The following TRMT6 variants were observed in gnomAD, a reference collection of about 807,000 sequenced individuals.
TRMT6 encodes the protein tRNA methyltransferase 6 non-catalytic subunit, also known as tRNA (adenine(58)-N(1))-methyltransferase non-catalytic subunit TRM6.
Under a neutral mutation model 59.0 loss-of-function variants are expected in TRMT6, and 34 were observed. That is an observed-to-expected ratio of 0.58 (90% CI 0.44 to 0.77). TRMT6 has a LOEUF of 0.77. Among genes scored for constraint, TRMT6 ranks in the 30% least tolerant of loss-of-function variants. The pLI is 0.00. For synonymous variants in TRMT6, 217 were observed against 210.5 expected (o/e 1.03, Z -0.27); for missense variants, 575 against 604.5 (o/e 0.95, Z 0.51).
At chr20:5,947,866 C>T (rs1293414689) in intron 1 of TRMT6, among the ~76,000 whole-genome samples, 2 of 151,874 alleles carry the variant, frequency 1.3e-5, no homozygotes, top group South Asian at 2.1e-4. Flanking sequence ...GCCTGGCTGA[C>T]GGGGAAAAAC....
chr20:5,942,226 C>T, intron 7 of TRMT6, 190 bp from the exon 8 acceptor site: 1 of 710,758 alleles, frequency 1.4e-6, no homozygotes, highest in South Asian at 1.8e-5. Flanking sequence ...ATTAAGCTAT[C>T]TATGCAACGC....
In TRMT6 at chr20:5,944,865, T is replaced by G; in HGVS notation, c.306A>C (p.Lys102Asn). 6.2e-7 allele frequency: 1 copy of G among 1,614,164 alleles called. No individual in the cohort carries two copies. Among genetic ancestry groups the G allele is most frequent in the South Asian group, 1.1e-5 (1 of 91,082 alleles). Residue 102 changes from lysine to asparagine, a missense_variant, in exon 3 of 11, where the codon AAA (lysine) becomes AAC (asparagine). Coordinates refer to ENST00000203001, the MANE Select transcript of TRMT6 (RefSeq NM_015939.5). The stretch of plus-strand genomic sequence containing the variant: ...TGTCATCTTGAGTAAGTTTCTGAGA[T>G]TTCCCATCATCAACTATATTTCGAT... The part of the protein sequence containing the change: ...TDNRNIVDDG[K>N]SQKLTQDDIK...
chr20:5,944,807 C>T lies in TRMT6; in HGVS notation c.364G>A (p.Glu122Lys). 1 of 1,608,886 alleles carries T rather than the reference C, an allele frequency of 6.2e-7. No individual in the cohort carries two copies. The highest frequency in any genetic ancestry group is 1.3e-5 in the African/African-American group (1 of 74,818). ...KALKDKGIKG[E>K]EIVQQLIENS... is the part of the protein sequence containing the mutation. ...ACTAAAAATCCTTTGAATATTACCT[C>T]TCCTTTAATGCCCTTGTCCTTCAAA... The change falls in exon 3 of 11, where the codon GAG becomes AAG. Residue 122 changes from glutamate to lysine, a missense_variant and splice_region_variant. Coordinates refer to ENST00000203001, the MANE Select transcript of TRMT6 (RefSeq NM_015939.5).
chr20:5,941,105 C>T lies in TRMT6; in HGVS notation c.1250G>A (p.Arg417Lys). Reference protein sequence around the residue: ...LLECYTKLRERGGVINLRLSE... With the variant: ...LLECYTKLREKGGVINLRLSE... ...CAGCCTGAGGTTGATGACCCCTCCC[C>T]TCTCCCGCAGTTTTGTGTAGCATTC... is the stretch of plus-strand genomic sequence containing the variant. Residue 417 changes from arginine (R) to lysine (K), a missense_variant, in exon 10 of 11, where the codon AGG becomes AAG. Transcript: ENST00000203001. 1.2e-6 allele frequency: 2 copies of T among 1,614,200 alleles called. No homozygotes were observed. Among genetic ancestry groups the T allele is most frequent in the Non-Finnish European group, 1.7e-6 (2 of 1,180,028 alleles).
In TRMT6 at chr20:5,938,047, G is replaced by A. The variant is rs236170; in HGVS notation, c.*488C>T. 0.34 allele frequency: 51,660 copies of A among 152,198 alleles called. 12,245 individuals are homozygous for A. The highest frequency in any genetic ancestry group is 0.66 in the African/African-American group (27,379 of 41,474). The allele number at this position is 152,198 out of a possible 1,614,324, so 9.4% of individuals were successfully genotyped here. A position where few individuals can be genotyped will look rare whatever the true frequency, so the allele number is the denominator to read the frequency against. ...TCAGCATTTCAAAAAAGCTTATTCC[G>A]CTGCAGGAAAGAAGGTGGACATTTT... is the stretch of plus-strand genomic sequence containing the variant. On this transcript the variant is annotated 3_prime_UTR_variant, in exon 11 of 11. Coordinates refer to ENST00000203001, the MANE Select transcript of TRMT6 (RefSeq NM_015939.5).
Position 5,944,902 on chromosome 20 carries a change from G to T in TRMT6, c.269C>A (p.Ala90Glu). Residue 90 changes from alanine to glutamate, a missense_variant, in exon 3 of 11, where the codon GCG (alanine) becomes GAG (glutamate). Transcript: ENST00000203001. The stretch of plus-strand genomic sequence containing the variant: ...AACTATATTTCGATTATCAGTGCCC[G>T]CTTCTTTAGTCTCTAAGGAAAGAAA... Reference protein sequence around the residue: ...REEPTAETKEAGTDNRNIVDD... With the variant: ...REEPTAETKEEGTDNRNIVDD... 6.2e-7 allele frequency: 1 copy of T among 1,611,588 alleles called. No individual in the cohort carries two copies. Among genetic ancestry groups the T allele is most frequent in the Non-Finnish European group, 8.5e-7 (1 of 1,178,052 alleles).
intron 2 of TRMT6, among the ~76,000 whole-genome samples, chr20:5,945,858 C>T (rs2088701313): frequency 6.6e-6 from 1 of 151,972 alleles, no homozygotes; most frequent in Non-Finnish European, 1.5e-5. Context: ...AATTATGGGC[C>T]CTTACTAAAA....
At chr20:5,942,215 G>C in intron 7 of TRMT6, 179 bp from the exon 8 acceptor site, 1 of 712,348 alleles carries the variant, frequency 1.4e-6, no homozygotes, top group Non-Finnish European at 2.3e-6. Flanking sequence ...TAAAAACCAT[G>C]ATTAAGCTAT....
chr20:5,946,858 A>G (rs1022844511), intron 1 of TRMT6, among the ~76,000 whole-genome samples: 1 of 151,940 alleles, frequency 6.6e-6, no homozygotes, highest in Non-Finnish European at 1.5e-5. Flanking sequence ...ACTTGCAAAT[A>G]AACACTGACA....
intron 8 of TRMT6, 33 bp downstream of exon 8, chr20:5,941,918 T>TG: frequency 1.3e-6 from 2 of 1,575,000 alleles, no homozygotes; most frequent in Non-Finnish European, 1.7e-6. Flanking sequence ...CCACATGCAC[T>TG]GAGGAGTCTC....
intron 10 of TRMT6, 84 bp from the exon 11 acceptor site, chr20:5,938,810 A>T: frequency 8.0e-7 from 1 of 1,248,120 alleles, no homozygotes; most frequent in South Asian, 1.6e-5. Context: ...ATCAGAATTT[A>T]AACAACACAG....
Position 5,938,349 on chromosome 20 carries a change from T to A in TRMT6, c.*186A>T. The A allele has an allele frequency of 1.7e-6, 1 of 601,058 alleles. No homozygotes were observed. Among genetic ancestry groups the A allele is most frequent in the Non-Finnish European group, 2.8e-6 (1 of 355,186 alleles). The allele number at this position is 601,058 out of a possible 1,614,324, so 37.2% of individuals were successfully genotyped here. Reference sequence around the variant, plus strand: ...CATACTACATACCCCATGGTTGCAGTTTTGACAGACCAAATGCATCTGTGT... The same window carrying A: ...CATACTACATACCCCATGGTTGCAGATTTGACAGACCAAATGCATCTGTGT... On this transcript the variant is annotated 3_prime_UTR_variant, in exon 11 of 11. Coordinates refer to ENST00000203001, the MANE Select transcript of TRMT6 (RefSeq NM_015939.5).
intron 4 of TRMT6, 61 bp downstream of exon 4, chr20:5,944,101 A>G (rs1179299955): frequency 5.9e-6 from 8 of 1,360,916 alleles, no homozygotes; most frequent in Middle Eastern, 2.3e-4. Flanking sequence ...AATAAAATGT[A>G]TATTTTATAA....
In TRMT6 at chr20:5,938,442, G is replaced by T; in HGVS notation, c.*93C>A. On this transcript the variant is annotated 3_prime_UTR_variant, in exon 11 of 11. Coordinates refer to ENST00000203001, the MANE Select transcript of TRMT6 (RefSeq NM_015939.5). ...GGTACATAGACATGTTCTTATTCTT[G>T]GGATATGAAAAAACAAGTAGTAATG... 1 of 1,265,478 alleles carries T rather than the reference G, an allele frequency of 7.9e-7. No homozygotes were observed. Among genetic ancestry groups the T allele is most frequent in the Non-Finnish European group, 1.1e-6 (1 of 902,830 alleles). 78.4% of individuals were successfully genotyped at this position (1,265,478 alleles called of 1,614,324 possible).
chr20:5,943,450 T>C (rs1204591951), intron 6 of TRMT6, 109 bp downstream of exon 6: 1 of 1,442,034 alleles, frequency 6.9e-7, no homozygotes. Flanking sequence ...CAAGTCACTT[T>C]GTTAACCCTG....
At position 5,942,782 on chromosome 20, in the gene TRMT6, A is replaced by C; in HGVS notation, c.672T>G (p.Phe224Leu). The change falls in exon 7 of 11, where the codon TTT becomes TTG. Residue 224 changes from phenylalanine to leucine, a missense_variant. Transcript: ENST00000203001. ...LGAMMERMGG[F>L]GSIIQLYPGG... is the part of the protein sequence containing the mutation. ...CAGGGTATAGCTGAATAATGGAGCC[A>C]AAACCTGAACAGATAAAAGAAACAA... 1.2e-6 allele frequency: 2 copies of C among 1,611,636 alleles called. No homozygotes were observed. Among genetic ancestry groups the C allele is most frequent in the East Asian group, 4.5e-5 (2 of 44,868 alleles).
intron 8 of TRMT6, 170 bp from the exon 9 acceptor site, chr20:5,941,515 T>C (rs2088655834): frequency 1.6e-6 from 1 of 618,034 alleles, no homozygotes; most frequent in Non-Finnish European, 2.8e-6. Flanking sequence ...GAGCTATTTC[T>C]TTCTAGGAAA....
intron 9 of TRMT6, 33 bp from the exon 10 acceptor site, chr20:5,941,172 A>T: frequency 6.2e-7 from 1 of 1,605,622 alleles, no homozygotes; most frequent in Non-Finnish European, 8.5e-7. Flanking sequence ...GTTAAGAACT[A>T]CTTCCTGGGA....
chr20:5,942,168 A>T, intron 7 of TRMT6, 132 bp from the exon 8 acceptor site: 1 of 865,788 alleles, frequency 1.2e-6, no homozygotes, highest in Non-Finnish European at 1.8e-6. Flanking sequence ...GGTTGTTTAT[A>T]AGGAAGTTGC....
Sources: allele counts gnomAD v4.1 joint callset (sites outside exome capture counted in the v4.1 genomes callset), GRCh38; gene constraint gnomAD v4.1.1; transcripts MANE v1.5; gene names NCBI Gene and HGNC (gene_info 2026-07-23, HGNC 2026-07-21).